COP1: variants seen among roughly 807,000 people sequenced by gnomAD.
COP1 encodes the protein COP1 E3 ubiquitin ligase, also known as E3 ubiquitin-protein ligase COP1.
In COP1, 24 loss-of-function variants were observed where a neutral mutation model predicts 101.3. The observed-to-expected ratio is 0.24, with a 90% CI of 0.17 to 0.33. The LOEUF (loss-of-function observed/expected upper bound fraction) is 0.33. Among genes scored for constraint, COP1 ranks in the 10% least tolerant of loss-of-function variants. COP1 has a pLI of 1.00. For missense variants in COP1, 663 were observed against 906.2 expected, an observed-to-expected ratio of 0.73 and a Z score of 3.45; for synonymous variants, 347 against 341.9, an observed-to-expected ratio of 1.01 and a Z score of -0.17.
intron 18 of COP1, among the ~76,000 whole-genome samples, chr1:175,949,083 A>C (rs1236407160): frequency 7.0e-6 from 1 of 142,332 alleles, no homozygotes; most frequent in East Asian, 2.3e-4. Flanking sequence ...GAAGTGCTTG[A>C]ACCTGGGAGG....
At chr1:176,185,056 T>C (rs1398147991) in intron 1 of COP1, among the ~76,000 whole-genome samples, 1 of 152,212 alleles carries the variant, frequency 6.6e-6, no homozygotes, top group Admixed American at 6.5e-5. Context: ...CAAAAGCGTG[T>C]ACCGAGACCT....
At chr1:175,992,218 T>G (rs1354654809) in intron 15 of COP1, among the ~76,000 whole-genome samples, 1 of 152,198 alleles carries the variant, frequency 6.6e-6, no homozygotes, top group East Asian at 1.9e-4. Flanking sequence ...TGTGTTACAA[T>G]CTAATTATAC....
chr1:175,979,700 T>C (rs1482718113), intron 18 of COP1, among the ~76,000 whole-genome samples: 1 of 152,130 alleles, frequency 6.6e-6, no homozygotes, highest in Non-Finnish European at 1.5e-5. Flanking sequence ...AATGGTATTT[T>C]TGAAGTAATT....
chr1:175,947,520 G>A (rs1018643215), intron 18 of COP1, among the ~76,000 whole-genome samples: 4 of 151,966 alleles, frequency 2.6e-5, no homozygotes, highest in African/African-American at 4.8e-5. Context: ...ACAGGCATGC[G>A]CCACCAGCCC....
At chr1:176,179,370 A>G (rs1468449715) in intron 2 of COP1, among the ~76,000 whole-genome samples, 2 of 152,184 alleles carry the variant, frequency 1.3e-5, no homozygotes, top group Non-Finnish European at 2.9e-5. Flanking sequence ...GTTTTAGCAA[A>G]TAACTTTTCT....
intron 18 of COP1, among the ~76,000 whole-genome samples, chr1:175,982,029 C>T (rs556263000): frequency 1.7e-4 from 26 of 151,862 alleles, no homozygotes; most frequent in African/African-American, 5.1e-4. Flanking sequence ...AGATAACAAG[C>T]GTTGGCAAGA....
rs575588013 is a variant in COP1, at chr1:176,124,474, C to T, written c.969-7793G>A. 6.1e-5 allele frequency among the ~76,000 whole-genome samples: 9 copies of T among 148,398 alleles called. No individual in the cohort carries two copies. The East Asian group carries it at 1.0e-3, about 17-fold the overall frequency. Reference sequence around the variant, plus strand: ...ACCATCTTTCTATTCTCTATCTTCACGAGTTCAATTGATTTTTAGATCCCA... The same window carrying T: ...ACCATCTTTCTATTCTCTATCTTCATGAGTTCAATTGATTTTTAGATCCCA... On this transcript the variant is annotated intron_variant, in intron 8 of 19. Coordinates refer to ENST00000367669, the MANE Select transcript of COP1 (RefSeq NM_022457.7).
chr1:175,988,761 G>A (rs7524972), intron 16 of COP1: 132,915 of 175,004 alleles, frequency 0.76, 52,581 homozygotes, highest in East Asian at 0.92. Context: ...TGAACCTGGG[G>A]GGCAGATGCT....
At chr1:175,962,950 T>C (rs1459214865) in intron 18 of COP1, among the ~76,000 whole-genome samples, 11 of 152,212 alleles carry the variant, frequency 7.2e-5, no homozygotes, top group Non-Finnish European at 2.9e-5. Flanking sequence ...GAAGTGAATA[T>C]AATGAAACAT....
intron 18 of COP1, among the ~76,000 whole-genome samples, chr1:175,974,190 G>T (rs1487233196): frequency 6.6e-6 from 1 of 152,202 alleles, no homozygotes; most frequent in Non-Finnish European, 1.5e-5. Context: ...GCAGGTGGTA[G>T]AGTCACAGGG....
intron 18 of COP1, among the ~76,000 whole-genome samples, chr1:175,960,489 G>A (rs1287228987): frequency 6.6e-6 from 1 of 152,128 alleles, no homozygotes; most frequent in East Asian, 1.9e-4. Flanking sequence ...GGCAAGCAAA[G>A]GAGCCCAAAA....
chr1:176,020,586 G>A (rs1258900712), intron 15 of COP1, among the ~76,000 whole-genome samples: 1 of 152,146 alleles, frequency 6.6e-6, no homozygotes, highest in African/African-American at 2.4e-5. Flanking sequence ...GCTGAGGCAG[G>A]AGAATCGCTC....
chr1:176,117,897 AAAAC>A (rs200091101), intron 8 of COP1, among the ~76,000 whole-genome samples: 8,546 of 152,122 alleles, frequency 0.056, 520 homozygotes, highest in African/African-American at 0.14. Context: ...TCTGTCTCGA[AAAAC>A]AAACAAACAA....
chr1:176,022,551 A>G (rs977066611), intron 15 of COP1, among the ~76,000 whole-genome samples: 13 of 152,260 alleles, frequency 8.5e-5, no homozygotes, highest in African/African-American at 3.1e-4. Flanking sequence ...AAACATTTAG[A>G]TGACAGGCTA....
intron 6 of COP1, among the ~76,000 whole-genome samples, chr1:176,136,779 T>C (rs549499442): frequency 2.0e-5 from 3 of 152,306 alleles, no homozygotes; most frequent in Non-Finnish European, 2.9e-5. Flanking sequence ...ACTTCTTTAA[T>C]ACAACAGTTT....
chr1:176,160,280 TTTTAC>T, intron 5 of COP1: 3 of 403,734 alleles, frequency 7.4e-6, no homozygotes, highest in South Asian at 3.7e-5. Flanking sequence ...TTTTTTTTTT[TTTTAC>T]TTTAAGTTCT....
At chr1:176,020,504 C>A (rs1353787959) in intron 15 of COP1, among the ~76,000 whole-genome samples, 3 of 151,954 alleles carry the variant, frequency 2.0e-5, no homozygotes, top group African/African-American at 7.3e-5. Context: ...CATGGTGAAA[C>A]CCCATCTCTG....
chr1:176,020,701 T>C (rs945156382), intron 15 of COP1, among the ~76,000 whole-genome samples: 6 of 152,162 alleles, frequency 3.9e-5, no homozygotes, highest in African/African-American at 1.2e-4. Flanking sequence ...CGAAATTATA[T>C]TGTGGGCTTT....
chr1:176,066,871 T>C (rs919510525), intron 11 of COP1, among the ~76,000 whole-genome samples: 4 of 152,132 alleles, frequency 2.6e-5, no homozygotes, highest in Non-Finnish European at 5.9e-5. Flanking sequence ...TTACATGTGA[T>C]TGATCCCCTC....
Sources: allele counts gnomAD v4.1 joint callset (sites outside exome capture counted in the v4.1 genomes callset), GRCh38; gene constraint gnomAD v4.1.1; transcripts MANE v1.5; gene names NCBI Gene and HGNC (gene_info 2026-07-23, HGNC 2026-07-21).